GUCA1C: variants seen among roughly 807,000 people sequenced by gnomAD.
GUCA1C encodes guanylate cyclase activator 1C.
GUCA1C carries 15 observed loss-of-function variants against 16.2 expected under a neutral mutation model. The observed-to-expected ratio is 0.93, with a 90% CI of 0.62 to 1.43. The LOEUF (loss-of-function observed/expected upper bound fraction) is 1.43, where lower values mean the gene tolerates loss of function less well. GUCA1C is among the 40% of genes most tolerant of loss of function. The pLI, the probability that GUCA1C is intolerant of heterozygous loss-of-function variation, is 0.00. For synonymous variants in GUCA1C, 78 were observed against 85.4 expected (o/e 0.91, Z 0.48); for missense variants, 275 against 244.8 (o/e 1.12, Z -0.82).
chr3:108,926,579 C>T (rs2107292496), intron 1 of GUCA1C, among the ~76,000 whole-genome samples: 1 of 152,304 alleles, frequency 6.6e-6, no homozygotes, highest in South Asian at 2.1e-4. Flanking sequence ...CTCCCGGGTT[C>T]ACACCATTCT....
intron 1 of GUCA1C, among the ~76,000 whole-genome samples, chr3:108,941,822 T>G (rs920042113): frequency 6.6e-6 from 1 of 152,256 alleles, no homozygotes; most frequent in Non-Finnish European, 1.5e-5. Flanking sequence ...CTCAGTGCTC[T>G]GAGTGTCTCA....
chr3:108,927,804 A>G (rs142814182), intron 1 of GUCA1C, among the ~76,000 whole-genome samples: 75 of 152,226 alleles, frequency 4.9e-4, no homozygotes, highest in Middle Eastern at 3.4e-3. Flanking sequence ...TTGTCATACT[A>G]TCAGAATTGT....
At chr3:108,951,972 A>G (rs181183816) in intron 1 of GUCA1C, among the ~76,000 whole-genome samples, 2 of 152,344 alleles carry the variant, frequency 1.3e-5, no homozygotes, top group East Asian at 1.9e-4. Flanking sequence ...TGACATGTAC[A>G]ATGCGTTCAC....
chr3:108,951,316 T>C (rs1194183436), intron 1 of GUCA1C, among the ~76,000 whole-genome samples: 1 of 152,176 alleles, frequency 6.6e-6, no homozygotes, highest in African/African-American at 2.4e-5. Context: ...AATGGGTAAT[T>C]ATGTGAGATG....
intron 2 of GUCA1C, among the ~76,000 whole-genome samples, chr3:108,919,159 C>A (rs543252338): frequency 6.6e-6 from 1 of 152,034 alleles, no homozygotes; most frequent in African/African-American, 2.4e-5. Flanking sequence ...TAATTAGAGA[C>A]GAATGGTATC....
chr3:108,921,907 A>C (rs1260850859), intron 1 of GUCA1C, among the ~76,000 whole-genome samples: 1 of 152,052 alleles, frequency 6.6e-6, no homozygotes, highest in Non-Finnish European at 1.5e-5. Flanking sequence ...ACTGTACCCA[A>C]TGTGTAGTCT....
At chr3:108,947,102 A>G (rs1204928789) in intron 1 of GUCA1C, among the ~76,000 whole-genome samples, 1 of 152,210 alleles carries the variant, frequency 6.6e-6, no homozygotes, top group Non-Finnish European at 1.5e-5. Context: ...TTCACAATGT[A>G]TTAACTACTA....
intron 1 of GUCA1C, among the ~76,000 whole-genome samples, chr3:108,925,504 AT>A (rs1559843265): frequency 1.3e-5 from 2 of 151,988 alleles, no homozygotes; most frequent in African/African-American, 4.8e-5. Context: ...CATAATTTCA[AT>A]TTTCTCAAAT....
intron 3 of GUCA1C, chr3:108,915,900 C>T (rs989865185): frequency 1.8e-6 from 1 of 547,490 alleles, no homozygotes; most frequent in Admixed American, 3.6e-5. Flanking sequence ...CACCTTTACT[C>T]TTTATATATC....
intron 1 of GUCA1C, among the ~76,000 whole-genome samples, chr3:108,929,827 T>C (rs1946651311): frequency 6.6e-6 from 1 of 152,170 alleles, no homozygotes; most frequent in Non-Finnish European, 1.5e-5. Flanking sequence ...TTCCTTTTAA[T>C]AGGAACTGGT....
At chr3:108,914,199 C>T (rs977492788) in intron 3 of GUCA1C, among the ~76,000 whole-genome samples, 1 of 152,036 alleles carries the variant, frequency 6.6e-6, no homozygotes, top group African/African-American at 2.4e-5. Context: ...AGTGAAAGAG[C>T]TCATCTCTCT....
intron 1 of GUCA1C, among the ~76,000 whole-genome samples, chr3:108,927,382 A>G (rs1414665554): frequency 6.7e-6 from 1 of 149,604 alleles, no homozygotes; most frequent in African/African-American, 2.5e-5. Flanking sequence ...AGGTTTCGAC[A>G]TTTAACATAG....
chr3:108,938,955 T>A (rs1304364442), intron 1 of GUCA1C, among the ~76,000 whole-genome samples: 1 of 152,182 alleles, frequency 6.6e-6, no homozygotes, highest in Non-Finnish European at 1.5e-5. Flanking sequence ...TCAGAAGTCA[T>A]CTCATGTGGG....
chr3:108,908,536 G>A (rs1946414789), intron 3 of GUCA1C, among the ~76,000 whole-genome samples: 1 of 152,130 alleles, frequency 6.6e-6, no homozygotes, highest in African/African-American at 2.4e-5. Flanking sequence ...ATATGACCAA[G>A]TCTTAGGAGC....
chr3:108,935,288 T>A (rs1257971786), intron 1 of GUCA1C, among the ~76,000 whole-genome samples: 1 of 151,490 alleles, frequency 6.6e-6, no homozygotes, highest in Non-Finnish European at 1.5e-5. Flanking sequence ...ATTCAAAACC[T>A]CAGCATCATG....
chr3:108,944,971 A>G (rs1010921432), intron 1 of GUCA1C, among the ~76,000 whole-genome samples: 5 of 152,240 alleles, frequency 3.3e-5, no homozygotes, highest in Admixed American at 2.6e-4. Flanking sequence ...GCATGCCTGA[A>G]GTGCAGAGCA....
intron 1 of GUCA1C, among the ~76,000 whole-genome samples, chr3:108,933,415 G>T (rs886244813): frequency 2.0e-5 from 3 of 152,188 alleles, no homozygotes; most frequent in African/African-American, 7.2e-5. Context: ...TGGGGGGCTA[G>T]GGGAGGAGGT....
chr3:108,923,174 G>A (rs1349784848), intron 1 of GUCA1C, among the ~76,000 whole-genome samples: 1 of 152,090 alleles, frequency 6.6e-6, no homozygotes, highest in Non-Finnish European at 1.5e-5. Context: ...TTTTTAGTTT[G>A]ATTCCTATGT....
chr3:108,916,052 T>G, intron 3 of GUCA1C, 75 bp downstream of exon 3: 1 of 1,585,438 alleles, frequency 6.3e-7, no homozygotes, highest in East Asian at 2.2e-5. Flanking sequence ...CCTGCTTTTG[T>G]CTAAATAACA....
Sources: gnomAD v4.1 joint callset for allele counts (sites outside exome capture counted in the v4.1 genomes callset) on GRCh38, gnomAD v4.1.1 for gene constraint, MANE v1.5 for transcripts, NCBI Gene and HGNC (gene_info 2026-07-23, HGNC 2026-07-21) for gene names.